RGS6: variants seen among roughly 807,000 people sequenced by gnomAD.
RGS6 encodes the protein regulator of G protein signaling 6.
A neutral mutation model predicts 78.5 loss-of-function variants in RGS6; 30 were observed. The observed-to-expected ratio is 0.38, with a 90% CI of 0.29 to 0.52. The LOEUF (loss-of-function observed/expected upper bound fraction) is 0.52. Among genes scored for constraint, RGS6 ranks in the 20% least tolerant of loss-of-function variants. The probability of loss-of-function intolerance (pLI) is 0.85; values close to 1 mark genes in which losing one functional copy is unlikely to be tolerated. For missense variants in RGS6, 495 were observed against 609.7 expected (o/e 0.81, Z 1.98); for synonymous variants, 206 against 206.0 (o/e 1.00, Z 0.00).
At chr14:72,092,403 C>T (rs2095296502) in intron 2 of RGS6, among the ~76,000 whole-genome samples, 2 of 151,884 alleles carry the variant, frequency 1.3e-5, no homozygotes, top group African/African-American at 4.8e-5. Flanking sequence ...GTTGCCCAGG[C>T]TGGTCTCTCG....
chr14:72,070,070 A>C (rs1375930220), intron 2 of RGS6, among the ~76,000 whole-genome samples: 1 of 151,626 alleles, frequency 6.6e-6, no homozygotes, highest in Non-Finnish European at 1.5e-5. Flanking sequence ...CTGTTACTAA[A>C]CTATACATTT....
chr14:72,467,721 T>A (rs1330891191), intron 7 of RGS6, among the ~76,000 whole-genome samples: 1 of 152,130 alleles, frequency 6.6e-6, no homozygotes, highest in Non-Finnish European at 1.5e-5. Flanking sequence ...GATGATCATA[T>A]GTTGGAATAT....
At chr14:72,459,772 G>T in intron 6 of RGS6, 89 bp downstream of exon 6, 1 of 1,292,996 alleles carries the variant, frequency 7.7e-7, no homozygotes, top group Non-Finnish European at 1.1e-6. Context: ...TGTGGGCCAT[G>T]GTGGTACATG....
At chr14:72,041,071 A>G (rs1292907750) in intron 2 of RGS6, among the ~76,000 whole-genome samples, 1 of 152,158 alleles carries the variant, frequency 6.6e-6, no homozygotes, top group African/African-American at 2.4e-5. Flanking sequence ...ATTTATAGAT[A>G]TCTGTTTTTC....
chr14:72,429,595 T>G (rs746079087), intron 3 of RGS6, among the ~76,000 whole-genome samples: 7 of 152,018 alleles, frequency 4.6e-5, no homozygotes, highest in Non-Finnish European at 1.0e-4. Flanking sequence ...TCATCAGAAC[T>G]TAAATCTGCA....
chr14:72,526,726 T>C (rs2097125258), intron 15 of RGS6, among the ~76,000 whole-genome samples: 1 of 149,470 alleles, frequency 6.7e-6, no homozygotes, highest in Admixed American at 6.6e-5. Flanking sequence ...AGGTTGTTCA[T>C]CCAAAGATAC....
intron 2 of RGS6, among the ~76,000 whole-genome samples, chr14:72,279,083 C>T (rs1177753042): frequency 6.6e-6 from 1 of 152,010 alleles, no homozygotes; most frequent in Admixed American, 6.6e-5. Context: ...TCTCCAAGGA[C>T]AGTTATATTG....
intron 2 of RGS6, among the ~76,000 whole-genome samples, chr14:72,100,334 C>A (rs866604846): frequency 1.3e-5 from 2 of 151,718 alleles, no homozygotes; most frequent in East Asian, 3.9e-4. Context: ...GTGAAACCTC[C>A]TCTCTCCTAA....
At chr14:72,273,841 G>A (rs2060292249) in intron 2 of RGS6, among the ~76,000 whole-genome samples, 1 of 152,132 alleles carries the variant, frequency 6.6e-6, no homozygotes, top group African/African-American at 2.4e-5. Context: ...AATAAAGAAA[G>A]GTATAGAAAG....
chr14:72,487,527 G>A (rs1300128647), intron 12 of RGS6, among the ~76,000 whole-genome samples: 2 of 152,156 alleles, frequency 1.3e-5, no homozygotes, highest in Non-Finnish European at 1.5e-5. Flanking sequence ...GCCCAGATGG[G>A]CCCAGCATAA....
At chr14:72,484,179 AG>A (rs1239223622) in intron 12 of RGS6, among the ~76,000 whole-genome samples, 4 of 152,070 alleles carry the variant, frequency 2.6e-5, no homozygotes, top group African/African-American at 9.7e-5. Flanking sequence ...TTCCAATTCC[AG>A]GTCTTCTCAT....
chr14:72,476,978 C>A, intron 11 of RGS6, 138 bp downstream of exon 11: 1 of 686,428 alleles, frequency 1.5e-6, no homozygotes, highest in Non-Finnish European at 2.5e-6. Context: ...GTGATTGAAC[C>A]TTTTAAGTGC....
intron 2 of RGS6, among the ~76,000 whole-genome samples, chr14:72,229,126 C>A (rs2048886222): frequency 6.6e-6 from 1 of 152,076 alleles, no homozygotes; most frequent in Admixed American, 6.6e-5. Flanking sequence ...TTCCACTGTC[C>A]CCCAATAGTA....
chr14:72,257,321 T>C (rs542463304), intron 2 of RGS6, among the ~76,000 whole-genome samples: 2 of 152,336 alleles, frequency 1.3e-5, no homozygotes, highest in African/African-American at 4.8e-5. Context: ...GAGGTTGAGT[T>C]CTTCACTTGG....
intron 13 of RGS6, among the ~76,000 whole-genome samples, chr14:72,502,459 GT>G (rs1216345041): frequency 6.6e-6 from 1 of 152,158 alleles, no homozygotes; most frequent in Admixed American, 6.6e-5. Context: ...TTTTAGGATG[GT>G]TTGTTACACA....
intron 17 of RGS6, chr14:72,540,478 C>T (rs528538498): frequency 1.0e-5 from 16 of 1,556,736 alleles, no homozygotes; most frequent in Middle Eastern, 3.4e-4. Flanking sequence ...TGGCTCAGAA[C>T]CATAGCTCAT....
intron 2 of RGS6, among the ~76,000 whole-genome samples, chr14:72,093,261 A>C (rs1234899921): frequency 1.3e-5 from 2 of 152,078 alleles, no homozygotes; most frequent in Non-Finnish European, 2.9e-5. Context: ...TATTTTATCG[A>C]GACAGGATCT....
chr14:72,274,579 G>A (rs958201550), intron 2 of RGS6, among the ~76,000 whole-genome samples: 2 of 152,202 alleles, frequency 1.3e-5, no homozygotes, highest in African/African-American at 4.8e-5. Flanking sequence ...TACCTTATGT[G>A]GCAAAAGAGA....
At chr14:72,215,186 C>T (rs952526330) in intron 2 of RGS6, among the ~76,000 whole-genome samples, 5 of 152,210 alleles carry the variant, frequency 3.3e-5, no homozygotes, top group Non-Finnish European at 5.9e-5. Flanking sequence ...TTCTCTTCCT[C>T]CTTTTCTAGG....
Sources: allele counts gnomAD v4.1 joint callset (sites outside exome capture counted in the v4.1 genomes callset), GRCh38; gene constraint gnomAD v4.1.1; transcripts MANE v1.5; gene names NCBI Gene and HGNC (gene_info 2026-07-23, HGNC 2026-07-21).